PLA2G4C: variants seen among roughly 807,000 people sequenced by gnomAD.
PLA2G4C encodes the protein cytosolic phospholipase A2 gamma.
In PLA2G4C, 64 loss-of-function variants were observed where a neutral mutation model predicts 73.8. That is an observed-to-expected ratio of 0.87 (90% CI 0.71 to 1.07). The LOEUF (loss-of-function observed/expected upper bound fraction) is 1.07, where lower values mean the gene tolerates loss of function less well. PLA2G4C is among the 50% of genes least tolerant of loss of function. The pLI, the probability that PLA2G4C is intolerant of heterozygous loss-of-function variation, is 0.00. For synonymous variants in PLA2G4C, 254 were observed against 252.1 expected, an observed-to-expected ratio of 1.01 and a Z score of -0.07; for missense variants, 622 against 665.4, an observed-to-expected ratio of 0.93 and a Z score of 0.72.
At position 48,090,391 on chromosome 19, in the gene PLA2G4C, T is replaced by C; in HGVS notation, c.736A>G (p.Thr246Ala). 1.2e-6 allele frequency: 2 copies of C among 1,612,796 alleles called. No homozygotes were observed. Among genetic ancestry groups the C allele is most frequent in the Non-Finnish European group, 8.5e-7 (1 of 1,178,774 alleles). ...AAAATGTATTCCCTAATGACTTCAG[T>C]GTTACCAAGAGCACTTCCCCATAAA... ...RGLWGSALGN[T>A]EVIREYIFDQ... The change falls in exon 8 of 17, where the codon ACT (threonine) becomes GCT (alanine). Residue 246 changes from threonine (T) to alanine (A), a missense_variant. Thr to Ala is a moderately conservative substitution (Grantham distance 58, BLOSUM62 0). Transcript: ENST00000599921.
rs372123894 is a variant in PLA2G4C at position 48,050,705 on chromosome 19, C to T, written c.1580+2292G>A. On this transcript the variant is annotated intron_variant, in intron 16 of 16. Coordinates refer to ENST00000599921, the MANE Select transcript of PLA2G4C (RefSeq NM_003706.3). ...TTTTTTTTTTTTTGAGACAGGGTCTCGCTCTGTCATCGAAGCTGGAGTGCA... is the reference window on the plus strand; with the variant it reads ...TTTTTTTTTTTTTGAGACAGGGTCTTGCTCTGTCATCGAAGCTGGAGTGCA... 7.2e-4 allele frequency among the ~76,000 whole-genome samples: 26 copies of T among 36,282 alleles called. No individual in the cohort carries two copies. The East Asian group carries it at 0.012, about 16-fold the overall frequency. 23.8% of individuals were successfully genotyped at this position (36,282 alleles called of 152,430 possible). A position where few individuals can be genotyped will look rare whatever the true frequency, so the allele number is the denominator to read the frequency against.
Position 48,088,783 on chromosome 19 carries a change from C to T in PLA2G4C, c.764-71G>A, listed in dbSNP as rs11564554. 490 of 1,109,132 alleles carry T rather than the reference C, an allele frequency of 4.4e-4. 7 individuals carry two copies. In the Admixed American group the frequency reaches 8.3e-3, roughly 19 times the overall value. 68.7% of individuals were successfully genotyped at this position (1,109,132 alleles called of 1,614,324 possible). ...GTCCCTAGTTATAATATAAAAAATA[C>T]AGATGACCTGCAGGGATATTTCATT... On this transcript the variant is annotated intron_variant, in intron 8 of 16. Coordinates refer to ENST00000599921, the MANE Select transcript of PLA2G4C (RefSeq NM_003706.3).
intron 9 of PLA2G4C, 139 bp from the exon 10 acceptor site, chr19:48,085,251 A>G: frequency 1.5e-6 from 1 of 666,554 alleles, no homozygotes; most frequent in East Asian, 2.7e-5. Flanking sequence ...CATTCCATAA[A>G]TATTTATGAA....
At chr19:48,057,483 CTTT>C (rs1171271257) in intron 14 of PLA2G4C, among the ~76,000 whole-genome samples, 54 of 17,922 alleles carry the variant, frequency 3.0e-3, no homozygotes, top group East Asian at 0.019. Context: ...TCTTCTTCTT[CTTT>C]TTTTTTTTTT....
At chr19:48,106,342 C>T (rs1474145379) in intron 2 of PLA2G4C, among the ~76,000 whole-genome samples, 180 bp downstream of exon 2, 1 of 152,138 alleles carries the variant, frequency 6.6e-6, no homozygotes, top group African/African-American at 2.4e-5. Context: ...ATCTTCTTGC[C>T]TCGGCCACCA....
At chr19:48,108,185 C>T (rs2032325383) in intron 1 of PLA2G4C, among the ~76,000 whole-genome samples, 1 of 152,150 alleles carries the variant, frequency 6.6e-6, no homozygotes, top group Non-Finnish European at 1.5e-5. Context: ...AGGGCTGGTC[C>T]CTACAGTGGC....
At position 48,095,477 on chromosome 19, in the gene PLA2G4C, C is replaced by A. The variant is rs1319342616; in HGVS notation, c.696G>T (p.Leu232=). The A allele has an allele frequency of 1.9e-6, 3 of 1,614,124 alleles. No individual in the cohort carries two copies. The South Asian group carries it at 3.3e-5, about 18-fold the overall frequency. Residue 232 remains leucine (L), a synonymous_variant, in exon 7 of 17, where the codon CTG becomes CTT. Coordinates refer to ENST00000599921, the MANE Select transcript of PLA2G4C (RefSeq NM_003706.3). ...RLVRTHPERD[L]TFLRGLWGSA... Reference sequence around the variant, plus strand: ...CCCAGCGCTGACCTCTCAGGAAAGTCAGGTCTCTCTCAGGGTGAGTTCTGA... The same window carrying A: ...CCCAGCGCTGACCTCTCAGGAAAGTAAGGTCTCTCTCAGGGTGAGTTCTGA...
chr19:48,057,483 C>CTTTTTTT (rs1171271257), intron 14 of PLA2G4C, among the ~76,000 whole-genome samples: 7 of 17,928 alleles, frequency 3.9e-4, no homozygotes, highest in Admixed American at 1.2e-3. Flanking sequence ...TCTTCTTCTT[C>CTTTTTTT]TTTTTTTTTT....
At position 48,074,001 on chromosome 19, in the gene PLA2G4C, G is replaced by A. The variant is rs569103669; in HGVS notation, c.1006+766C>T. Among the ~76,000 whole-genome samples, 7 of 151,544 alleles carry A rather than the reference G, an allele frequency of 4.6e-5. No individual in the cohort carries two copies. In the South Asian group the frequency reaches 8.4e-4, roughly 18 times the overall value. The stretch of plus-strand genomic sequence containing the variant: ...TTAATTTAATTTAATTTTAAGTTCC[G>A]GGACACATGTGCAGGACGTGTAGAT... On this transcript the variant is annotated intron_variant, in intron 12 of 16. Transcript: ENST00000599921.
chr19:48,070,739 G>A (rs561283173), intron 12 of PLA2G4C, among the ~76,000 whole-genome samples: 1 of 151,776 alleles, frequency 6.6e-6, no homozygotes, highest in Admixed American at 6.6e-5. Flanking sequence ...ACTGGGGCCT[G>A]TTGAGGGGGC....
At chr19:48,078,100 T>A (rs1027068027) in intron 10 of PLA2G4C, among the ~76,000 whole-genome samples, 3 of 152,118 alleles carry the variant, frequency 2.0e-5, no homozygotes, top group African/African-American at 7.2e-5. Context: ...AAATGTGATA[T>A]ATCACAGAAA....
intron 14 of PLA2G4C, chr19:48,061,660 C>A (rs374758930): frequency 3.7e-6 from 1 of 271,324 alleles, no homozygotes; most frequent in South Asian, 4.3e-5. Flanking sequence ...GGGCTGGAGA[C>A]GTGCACACCC....
At chr19:48,074,429 G>A (rs2029995289) in intron 12 of PLA2G4C, 1 of 318,244 alleles carries the variant, frequency 3.1e-6, no homozygotes, top group African/African-American at 2.2e-5. Flanking sequence ...ATTGTGAATA[G>A]TGCTGCAGTG....
intron 8 of PLA2G4C, chr19:48,090,045 T>C (rs1233934316): frequency 2.8e-5 from 8 of 289,272 alleles, no homozygotes; most frequent in South Asian, 6.5e-5. Flanking sequence ...ATGAATTAAC[T>C]CATCAAATAT....
At chr19:48,055,465 T>G (rs1967906794) in intron 14 of PLA2G4C, among the ~76,000 whole-genome samples, 2 of 150,442 alleles carry the variant, frequency 1.3e-5, no homozygotes, top group Admixed American at 1.3e-4. Context: ...CTCAGGAAGC[T>G]GAGATGGGAA....
chr19:48,062,260 A>G (rs2122483514), intron 13 of PLA2G4C, 108 bp from the exon 14 acceptor site: 3 of 1,001,824 alleles, frequency 3.0e-6, no homozygotes, highest in Non-Finnish European at 4.2e-6. Context: ...GTCAGTGTAG[A>G]CAGCAGTTGT....
chr19:48,093,862 A>G (rs1202377765), intron 7 of PLA2G4C, among the ~76,000 whole-genome samples: 1 of 152,060 alleles, frequency 6.6e-6, no homozygotes, highest in Admixed American at 6.6e-5. Context: ...TTCTCACGAG[A>G]TCTGATGGTT....
intron 7 of PLA2G4C, among the ~76,000 whole-genome samples, chr19:48,093,587 C>T (rs2031419724): frequency 6.6e-6 from 1 of 152,188 alleles, no homozygotes; most frequent in Non-Finnish European, 1.5e-5. Flanking sequence ...CTGTGTCCTT[C>T]AGGGTCCCAT....
chr19:48,081,973 A>G (rs1600212866), intron 10 of PLA2G4C, among the ~76,000 whole-genome samples: 1 of 150,256 alleles, frequency 6.7e-6, no homozygotes, highest in East Asian at 2.0e-4. Flanking sequence ...TCCACCTACT[A>G]GGGAGGCTGA....
Sources: gnomAD v4.1 joint callset for allele counts (sites outside exome capture counted in the v4.1 genomes callset) on GRCh38, gnomAD v4.1.1 for gene constraint, MANE v1.5 for transcripts, NCBI Gene and HGNC (gene_info 2026-07-23, HGNC 2026-07-21) for gene names.